The following MMP26 variants were observed in gnomAD, a reference collection of about 807,000 sequenced individuals.
MMP26 encodes matrix metalloproteinase-26.
MMP26 carries 33 observed loss-of-function variants against 31.0 expected under a neutral mutation model. That is an observed-to-expected ratio of 1.06 (90% CI 0.81 to 1.42). The LOEUF (loss-of-function observed/expected upper bound fraction) is 1.42, where lower values mean the gene tolerates loss of function less well. Among genes scored for constraint, MMP26 ranks in the 40% most tolerant of loss-of-function variants. The pLI, the probability that MMP26 is intolerant of heterozygous loss-of-function variation, is 0.00. For missense variants in MMP26, 347 were observed against 316.1 expected (o/e 1.10, Z -0.74); for synonymous variants, 122 against 114.9 (o/e 1.06, Z -0.40).
intron 1 of MMP26, among the ~76,000 whole-genome samples, chr11:4,741,998 A>C (rs11033657): frequency 0.075 from 11,471 of 152,202 alleles, 1,115 homozygotes; most frequent in African/African-American, 0.23. Context: ...AGAGGACAAA[A>C]CTAGAGCCAG....
At chr11:4,731,726 G>A (rs1481194308) in intron 1 of MMP26, among the ~76,000 whole-genome samples, 1 of 152,152 alleles carries the variant, frequency 6.6e-6, no homozygotes, top group African/African-American at 2.4e-5. Flanking sequence ...GCACATGTGT[G>A]GGTTCATACA....
At chr11:4,731,422 G>A (rs1469405387) in intron 1 of MMP26, among the ~76,000 whole-genome samples, 1 of 152,138 alleles carries the variant, frequency 6.6e-6, no homozygotes, top group African/African-American at 2.4e-5. Flanking sequence ...GCTCATTTGT[G>A]TAAGTTTTTT....
In MMP26 at chr11:4,804,396, G is replaced by A. The variant is rs367940501; in HGVS notation, c.-145+37055G>A. ...CCAGCACCATGGACTGGTTAATATG[G>A]TCTCTGCTGGGAACGCAATCTACTC... On this transcript the variant is annotated intron_variant, in intron 2 of 7. Coordinates refer to ENST00000380390, the MANE Select transcript of MMP26 (RefSeq NM_021801.5). 4 of 1,585,922 alleles carry A rather than the reference G, an allele frequency of 2.5e-6. 1 individual carries two copies. The Admixed American group carries it at 5.0e-5, about 20-fold the overall frequency.
At chr11:4,738,566 A>T (rs1848272125) in intron 1 of MMP26, among the ~76,000 whole-genome samples, 1 of 152,216 alleles carries the variant, frequency 6.6e-6, no homozygotes, top group Admixed American at 6.5e-5. Context: ...CAGTAGTCAG[A>T]ATTCTGCCAC....
intron 2 of MMP26, among the ~76,000 whole-genome samples, chr11:4,968,028 A>G (rs1846619240): frequency 6.6e-6 from 1 of 152,150 alleles, no homozygotes; most frequent in Non-Finnish European, 1.5e-5. Context: ...CCCATGTAAT[A>G]TATTTTGTTT....
chr11:4,990,012 T>G (rs909610600), intron 4 of MMP26, 144 bp downstream of exon 4: 1 of 636,398 alleles, frequency 1.6e-6, no homozygotes, highest in Non-Finnish European at 2.7e-6. Flanking sequence ...TCAGAGAAGG[T>G]AATACTACCA....
At position 4,708,540 on chromosome 11, in the gene MMP26, A is replaced by T. The variant is rs534391601; in HGVS notation, c.-217+3495A>T. Among the ~76,000 whole-genome samples the T allele has an allele frequency of 2.3e-3, 349 of 152,288 alleles. 1 individual carries two copies. Among genetic ancestry groups the T allele is most frequent in the Middle Eastern group, 0.01 (3 of 294 alleles). On this transcript the variant is annotated intron_variant, in intron 1 of 7. Transcript: ENST00000380390. The stretch of plus-strand genomic sequence containing the variant: ...CACACACTAACACTGTAGGTATTTA[A>T]TTTTTTTGAGTAAATACATGCATGA...
intron 2 of MMP26, among the ~76,000 whole-genome samples, chr11:4,936,472 T>C (rs577517340): frequency 1.3e-5 from 2 of 152,294 alleles, no homozygotes; most frequent in South Asian, 4.1e-4. Context: ...GAAAGATTGA[T>C]ATTTAAGAGA....
chr11:4,720,966 A>G (rs1342859240), intron 1 of MMP26, among the ~76,000 whole-genome samples: 6 of 152,208 alleles, frequency 3.9e-5, no homozygotes, highest in Non-Finnish European at 7.3e-5. Context: ...ACTGGAACCA[A>G]TGCATCTGGG....
At chr11:4,991,823 T>G in intron 6 of MMP26, 141 bp from the exon 7 acceptor site, 1 of 777,498 alleles carries the variant, frequency 1.3e-6, no homozygotes, top group Non-Finnish European at 1.9e-6. Context: ...CTTTCCCTCC[T>G]TGCCTACCTT....
chr11:4,914,792 A>C, intron 2 of MMP26: 5 of 1,614,020 alleles, frequency 3.1e-6, no homozygotes, highest in Non-Finnish European at 4.2e-6. Flanking sequence ...GGGATTCATC[A>C]CAGGAGGAAA....
chr11:4,850,967 C>T (rs1021596482), intron 2 of MMP26, among the ~76,000 whole-genome samples: 2 of 151,438 alleles, frequency 1.3e-5, no homozygotes, highest in Non-Finnish European at 2.9e-5. Flanking sequence ...GCAACAAAAC[C>T]CTTAATCCCA....
intron 2 of MMP26, among the ~76,000 whole-genome samples, chr11:4,842,453 G>A (rs1053096555): frequency 6.6e-6 from 1 of 152,170 alleles, no homozygotes; most frequent in African/African-American, 2.4e-5. Context: ...TTACAATCAT[G>A]GTGGAAGGTG....
At chr11:4,927,752 C>A (rs1175261410) in intron 2 of MMP26, among the ~76,000 whole-genome samples, 1 of 152,092 alleles carries the variant, frequency 6.6e-6, no homozygotes, top group Non-Finnish European at 1.5e-5. Flanking sequence ...TTGAAGAGCC[C>A]AAAAGCTTCT....
At chr11:4,915,124 T>C (rs1278586147) in intron 2 of MMP26, 1 of 1,613,854 alleles carries the variant, frequency 6.2e-7, no homozygotes, top group East Asian at 2.2e-5. Flanking sequence ...AATAAGAATG[T>C]GAGAGAACTG....
At chr11:4,803,491 A>T in intron 2 of MMP26, 1 of 1,614,012 alleles carries the variant, frequency 6.2e-7, no homozygotes, top group Non-Finnish European at 8.5e-7. Context: ...TTTGGTTCTA[A>T]CTCCATAAAT....
At chr11:4,856,524 G>A (rs1450978954) in intron 2 of MMP26, among the ~76,000 whole-genome samples, 9 of 152,252 alleles carry the variant, frequency 5.9e-5, no homozygotes, top group African/African-American at 1.2e-4. Flanking sequence ...AGAGCTAACT[G>A]TCCTAAATAT....
At chr11:4,852,205 C>A (rs553385215) in intron 2 of MMP26, among the ~76,000 whole-genome samples, 16 of 151,356 alleles carry the variant, frequency 1.1e-4, no homozygotes, top group African/African-American at 3.6e-4. Context: ...AATACATGAA[C>A]CAAAACTGAT....
rs377283160 is a variant in MMP26 at position 4,822,067 on chromosome 11, A to G, written c.-145+54726A>G. ...CACTACAGGGTTTGACTGCCCTTGC[A>G]TCCTGCTCTCCTATATCCTGATCAT... On this transcript the variant is annotated intron_variant, in intron 2 of 7. Coordinates refer to ENST00000380390, the MANE Select transcript of MMP26 (RefSeq NM_021801.5). 21 of 1,613,762 alleles carry G rather than the reference A, an allele frequency of 1.3e-5. No homozygotes were observed. Among genetic ancestry groups the G allele is most frequent in the Non-Finnish European group, 1.7e-5 (20 of 1,179,892 alleles).
Sources: allele counts gnomAD v4.1 joint callset (sites outside exome capture counted in the v4.1 genomes callset), GRCh38; gene constraint gnomAD v4.1.1; transcripts MANE v1.5; gene names NCBI Gene and HGNC (gene_info 2026-07-23, HGNC 2026-07-21).